The following PRKCQ variants were observed in gnomAD, a reference collection of about 807,000 sequenced individuals.
The protein encoded by PRKCQ is protein kinase C theta type.
A neutral mutation model predicts 91.2 loss-of-function variants in PRKCQ; 41 were observed. The ratio of observed to expected loss-of-function variants is 0.45; its 90% CI spans 0.35 to 0.58. The LOEUF (loss-of-function observed/expected upper bound fraction) is 0.58, where lower values mean the gene tolerates loss of function less well. Among genes scored for constraint, PRKCQ ranks in the 20% least tolerant of loss-of-function variants. The pLI, the probability that PRKCQ is intolerant of heterozygous loss-of-function variation, is 0.00. For missense variants in PRKCQ, 673 were observed against 896.5 expected, an observed-to-expected ratio of 0.75 and a Z score of 3.18; for synonymous variants, 307 against 316.9, an observed-to-expected ratio of 0.97 and a Z score of 0.33.
intron 1 of PRKCQ, among the ~76,000 whole-genome samples, chr10:6,557,136 T>C (rs180828993): frequency 5.3e-5 from 8 of 152,316 alleles, no homozygotes; most frequent in Admixed American, 5.2e-4. Context: ...CCCGCTGCTA[T>C]GGCCTTACCT....
chr10:6,508,619 G>A (rs1448063792), intron 3 of PRKCQ, among the ~76,000 whole-genome samples: 2 of 152,224 alleles, frequency 1.3e-5, no homozygotes, highest in African/African-American at 4.8e-5. Flanking sequence ...TTTTGACATG[G>A]CATGTATGCA....
At chr10:6,514,321 G>A (rs1019234080) in intron 2 of PRKCQ, among the ~76,000 whole-genome samples, 2 of 151,992 alleles carry the variant, frequency 1.3e-5, no homozygotes, top group African/African-American at 4.8e-5. Flanking sequence ...CAATGCAGAG[G>A]TGAAGATCTT....
chr10:6,512,119 A>C (rs1838507367), intron 2 of PRKCQ: 1 of 152,266 alleles, frequency 6.6e-6, no homozygotes, highest in Admixed American at 6.5e-5. Context: ...GCGTAATTTC[A>C]GCGCATAATG....
intron 16 of PRKCQ, among the ~76,000 whole-genome samples, chr10:6,432,978 C>A (rs569521795): frequency 2.6e-5 from 4 of 152,110 alleles, no homozygotes; most frequent in African/African-American, 9.7e-5. Context: ...GTGAAACTTT[C>A]TTTGATTACC....
At chr10:6,420,069 A>G in the PRKCQ span, among the ~76,000 whole-genome samples, 2 of 151,982 alleles carry the variant, frequency 1.3e-5, no homozygotes, top group Non-Finnish European at 2.9e-5. Context: ...GCTCACTGCA[A>G]TCTCTGCCTC....
At chr10:6,486,657 C>T (rs1267861827) in intron 8 of PRKCQ, among the ~76,000 whole-genome samples, 1 of 152,228 alleles carries the variant, frequency 6.6e-6, no homozygotes, top group Non-Finnish European at 1.5e-5. Flanking sequence ...TTTCTTCTAC[C>T]AACAGCCGAC....
intron 15 of PRKCQ, among the ~76,000 whole-genome samples, chr10:6,447,959 G>A (rs1834416489): frequency 6.6e-6 from 1 of 152,214 alleles, no homozygotes; most frequent in East Asian, 1.9e-4. Flanking sequence ...AGGGCAAAAG[G>A]GGCAATGGGG....
At chr10:6,479,628 G>A (rs539313363) in intron 11 of PRKCQ, among the ~76,000 whole-genome samples, 1 of 151,866 alleles carries the variant, frequency 6.6e-6, no homozygotes, top group Non-Finnish European at 1.5e-5. Context: ...TTCTCCTTGT[G>A]TACTTAAAAA....
At chr10:6,529,864 T>C (rs1839328544) in intron 1 of PRKCQ, among the ~76,000 whole-genome samples, 1 of 152,200 alleles carries the variant, frequency 6.6e-6, no homozygotes, top group Admixed American at 6.5e-5. Flanking sequence ...CGTATGACAG[T>C]GTTTGGTGGA....
At chr10:6,418,467 T>C in the PRKCQ span, among the ~76,000 whole-genome samples, 1 of 151,632 alleles carries the variant, frequency 6.6e-6, no homozygotes, top group Non-Finnish European at 1.5e-5. Flanking sequence ...TTTCCTCCCC[T>C]GCTTTCTCCC....
intron 1 of PRKCQ, chr10:6,515,352 AG>A (rs1838709056): frequency 2.0e-6 from 3 of 1,473,108 alleles, no homozygotes; most frequent in Non-Finnish European, 8.9e-7. Flanking sequence ...CTGAGGGGAG[AG>A]GCTTTCTGGA....
chr10:6,546,721 A>G (rs959492901), intron 1 of PRKCQ, among the ~76,000 whole-genome samples: 8 of 152,056 alleles, frequency 5.3e-5, no homozygotes, highest in Non-Finnish European at 8.8e-5. Flanking sequence ...AATACCCTTT[A>G]TTTCCTTCTC....
intron 1 of PRKCQ, among the ~76,000 whole-genome samples, chr10:6,531,091 T>C (rs1839375700): frequency 1.3e-5 from 2 of 152,044 alleles, no homozygotes; most frequent in African/African-American, 2.4e-5. Context: ...AACAGCAACA[T>C]CAGCATCCCT....
chr10:6,576,498 A>C lies in PRKCQ; in HGVS notation c.-10+3713T>G. Among the ~76,000 whole-genome samples, 1 of 152,328 alleles carries C rather than the reference A, an allele frequency of 6.6e-6. No individual in the cohort carries two copies. Among genetic ancestry groups the C allele is most frequent in the Non-Finnish European group, 1.5e-5 (1 of 68,028 alleles). On this transcript the variant is annotated intron_variant, in intron 1 of 17. Coordinates refer to ENST00000263125, the MANE Select transcript of PRKCQ (RefSeq NM_006257.5). This position sits in a 1 kb window ranked among gnomAD's most constrained non-coding sequence, Gnocchi z 4.2. ...TCTGTGAGGTCCCTAGAGCAGTCAG[A>C]ATCTTAGAGACAGGAAGTAGAAGGG...
intron 1 of PRKCQ, among the ~76,000 whole-genome samples, chr10:6,579,837 ATTTT>A (rs3086770): frequency 3.7e-5 from 5 of 136,986 alleles, no homozygotes; most frequent in African/African-American, 2.7e-5. Context: ...TTCCTCACGC[ATTTT>A]TTTTTTTTTT....
chr10:6,424,367 G>T (rs1315077370), downstream of PRKCQ, among the ~76,000 whole-genome samples: 1 of 152,168 alleles, frequency 6.6e-6, no homozygotes, highest in Non-Finnish European at 1.5e-5. Flanking sequence ...GGGCAGTGCT[G>T]GTGGCTTGTG....
At chr10:6,482,198 C>G (rs1470749841) in intron 11 of PRKCQ, among the ~76,000 whole-genome samples, 1 of 152,132 alleles carries the variant, frequency 6.6e-6, no homozygotes, top group Non-Finnish European at 1.5e-5. Context: ...TCCCCAGGAC[C>G]TTGGAAAGTG....
At chr10:6,548,009 C>G (rs1178754220) in intron 1 of PRKCQ, among the ~76,000 whole-genome samples, 3 of 151,578 alleles carry the variant, frequency 2.0e-5, no homozygotes, top group Non-Finnish European at 4.4e-5. Flanking sequence ...TATCCAGAAT[C>G]TACAATGAAC....
intron 15 of PRKCQ, among the ~76,000 whole-genome samples, chr10:6,450,926 A>G (rs1471633463): frequency 6.6e-6 from 1 of 152,220 alleles, no homozygotes; most frequent in African/African-American, 2.4e-5. Context: ...CATTCAAAGC[A>G]GTGTGTAGAG....
Sources: gnomAD v4.1 joint callset for allele counts (sites outside exome capture counted in the v4.1 genomes callset) on GRCh38, gnomAD v4.1.1 for gene constraint, Gnocchi (gnomAD v3.1) non-coding constraint, MANE v1.5 for transcripts, NCBI Gene and HGNC (gene_info 2026-07-23, HGNC 2026-07-21) for gene names.